Variants in ERCC4 observed in about 807,000 individuals in gnomAD.
ERCC4 encodes the protein DNA repair endonuclease XPF.
Under a neutral mutation model 76.9 loss-of-function variants are expected in ERCC4, and 65 were observed. The ratio of observed to expected loss-of-function variants is 0.84; its 90% CI spans 0.69 to 1.04. The LOEUF (loss-of-function observed/expected upper bound fraction) is 1.04. Among genes scored for constraint, ERCC4 ranks in the 50% least tolerant of loss-of-function variants. The probability of loss-of-function intolerance (pLI) is 0.00; values close to 1 mark genes in which losing one functional copy is unlikely to be tolerated. For missense variants in ERCC4, 1,214 were observed against 1,128.2 expected (o/e 1.08, Z -1.09); for synonymous variants, 463 against 410.1 (o/e 1.13, Z -1.56).
At chr16:13,935,100 A>G in intron 7 of ERCC4, 46 bp from the exon 8 acceptor site, 3 of 1,399,704 alleles carry the variant, frequency 2.1e-6, no homozygotes, top group Non-Finnish European at 3.0e-6. Flanking sequence ...GGAAACTAGG[A>G]GGACAAGTGA....
chr16:13,920,218 A>T lies in ERCC4; in HGVS notation c.53A>T (p.Tyr18Phe), dbSNP rs1284921995. The T allele has an allele frequency of 1.9e-6, 3 of 1,607,666 alleles. No homozygotes were observed. The highest frequency in any genetic ancestry group is 2.5e-6 in the Non-Finnish European group (3 of 1,179,948). Residue 18 changes from tyrosine (Y) to phenylalanine (F), a missense_variant, in exon 1 of 11, where the codon TAC (tyrosine) becomes TTC (phenylalanine). By Grantham distance (22) the Tyr-to-Phe change is conservative (BLOSUM62 3). Coordinates refer to ENST00000311895, the MANE Select transcript of ERCC4 (RefSeq NM_005236.3). ...ATTGCCATGGCGCCGCTGCTGGAGT[A>T]CGAGCGACAGCTGGTGCTGGAACTG... ...RRIAMAPLLE[Y>F]ERQLVLELLD...
intron 1 of ERCC4, among the ~76,000 whole-genome samples, chr16:13,921,808 A>G (rs182611898): frequency 6.6e-6 from 1 of 152,302 alleles, no homozygotes; most frequent in East Asian, 1.9e-4. Context: ...AGTGCTGATA[A>G]TGACTGAAGT....
rs1485864399 is a variant in ERCC4 at position 13,948,195 on chromosome 16, A to G, written c.2599A>G (p.Met867Val). The G allele has an allele frequency of 6.2e-7, 1 of 1,614,176 alleles. No homozygotes were observed. The highest frequency in any genetic ancestry group is 1.1e-5 in the South Asian group (1 of 91,078). ...GAATGCCAAAAACTGCCGCTCCTTG[A>G]TGCACCACGTTAAGAACATCGCAGA... ...GVNAKNCRSL[M>V]HHVKNIAELA... Residue 867 changes from methionine (M) to valine (V), a missense_variant, in exon 11 of 11, where the codon ATG (methionine) becomes GTG (valine). By Grantham distance (21) the Met-to-Val change is conservative (BLOSUM62 1). Transcript: ENST00000311895.
At chr16:13,927,820 G>C (rs1217007677) in intron 3 of ERCC4, among the ~76,000 whole-genome samples, 3 of 152,182 alleles carry the variant, frequency 2.0e-5, no homozygotes, top group East Asian at 3.8e-4. Context: ...GTAGTTTGCT[G>C]ACCCTTTCCT....
rs1020772182 is a variant in ERCC4 at position 13,950,786 on chromosome 16, A to G, written c.*2439A>G. 1.5e-5 allele frequency: 3 copies of G among 193,704 alleles called. No homozygotes were observed. The highest frequency in any genetic ancestry group is 7.0e-5 in the African/African-American group (3 of 43,146). The allele number at this position is 193,704 out of a possible 1,614,324, so 12.0% of individuals were successfully genotyped here. A position where few individuals can be genotyped will look rare whatever the true frequency, so the allele number is the denominator to read the frequency against. ...TATAAAAGGAACATCTTCCCATAGC[A>G]TATTCTATGAAAGGGGTTTCATTCC... On this transcript the variant is annotated 3_prime_UTR_variant, in exon 11 of 11. Coordinates refer to ENST00000311895, the MANE Select transcript of ERCC4 (RefSeq NM_005236.3).
chr16:13,935,311 A>G lies in ERCC4; in HGVS notation c.1379A>G (p.Lys460Arg), dbSNP rs761301503. 6.2e-7 allele frequency: 1 copy of G among 1,614,120 alleles called. No homozygotes were observed. Among genetic ancestry groups the G allele is most frequent in the Non-Finnish European group, 8.5e-7 (1 of 1,180,016 alleles). Residue 460 changes from lysine (K) to arginine (R), a missense_variant, in exon 8 of 11, where the codon AAG (lysine) becomes AGG (arginine). Lys to Arg is a conservative substitution (Grantham distance 26). Transcript: ENST00000311895. ...WMKFRKEDSS[K>R]RIRKSHKRPK... ...AAATTTAGGAAGGAAGACAGTTCAA[A>G]GAGAATTAGGAAATCTCACAAAAGA...
At position 13,947,895 on chromosome 16, in the gene ERCC4, TTC is replaced by T. The variant is rs869025184; in HGVS notation, c.2306_2307del (p.Leu769HisfsTer14). On this transcript the variant is annotated frameshift_variant, in exon 11 of 11. Transcript: ENST00000311895. LOFTEE classifies it high-confidence loss of function. ...LLIEFDPSKP[F>X]SLTSRGALFQ... Reference sequence around the variant, plus strand: ...GATTGAGTTTGACCCTAGCAAGCCTTTCTCTCTCACTTCCCGAGGTGCCTTGT... The same window carrying T: ...GATTGAGTTTGACCCTAGCAAGCCTTTCTCTCACTTCCCGAGGTGCCTTGT... 6.2e-7 allele frequency: 1 copy of T among 1,614,128 alleles called. No homozygotes were observed. Among genetic ancestry groups the T allele is most frequent in the Non-Finnish European group, 8.5e-7 (1 of 1,180,026 alleles).
In ERCC4 at chr16:13,949,306, C is replaced by T. The variant is rs938406746; in HGVS notation, c.*959C>T. 2 of 233,854 alleles carry T rather than the reference C, an allele frequency of 8.6e-6. No homozygotes were observed. Among genetic ancestry groups the T allele is most frequent in the African/African-American group, 2.2e-5 (1 of 45,332 alleles). The allele number at this position is 233,854 out of a possible 1,614,324, so 14.5% of individuals were successfully genotyped here. A position where few individuals can be genotyped will look rare whatever the true frequency, so the allele number is the denominator to read the frequency against. On this transcript the variant is annotated 3_prime_UTR_variant, in exon 11 of 11. Transcript: ENST00000311895. ...TTCTCAGCTCTTATATCCTAAGACA[C>T]CAGCATCATATCCTCTAGAAATACA...
At chr16:13,927,172 A>G (rs2032087981) in intron 3 of ERCC4, among the ~76,000 whole-genome samples, 1 of 152,218 alleles carries the variant, frequency 6.6e-6, no homozygotes. Context: ...AAGAAGTTTT[A>G]TTAATTTCTA....
chr16:13,930,308 C>G (rs1164071274), intron 4 of ERCC4, among the ~76,000 whole-genome samples: 3 of 152,012 alleles, frequency 2.0e-5, no homozygotes, highest in Non-Finnish European at 2.9e-5. Flanking sequence ...CAGAGTCAAA[C>G]TTGGCAGGAA....
chr16:13,926,762 G>A lies in ERCC4; in HGVS notation c.584+6G>A, dbSNP rs1460077088. ...AAACTGTATCTGTGGCCAAGGTAAA[G>A]AACATTATGTGACAAATAATGATGA... On this transcript the variant is annotated splice_donor_region_variant and intron_variant, in intron 3 of 10. Coordinates refer to ENST00000311895, the MANE Select transcript of ERCC4 (RefSeq NM_005236.3). 1 of 1,601,666 alleles carries A rather than the reference G, an allele frequency of 6.2e-7. No individual in the cohort carries two copies. The highest frequency in any genetic ancestry group is 8.6e-7 in the Non-Finnish European group (1 of 1,168,896).
chr16:13,947,836 C>A lies in ERCC4; in HGVS notation c.2240C>A (p.Ser747Tyr), dbSNP rs12928616. 1.9e-6 allele frequency: 3 copies of A among 1,614,082 alleles called. No individual in the cohort carries two copies. In the African/African-American group the frequency reaches 4.0e-5, roughly 22 times the overall value. The change falls in exon 11 of 11, where the codon TCC becomes TAC. Residue 747 changes from serine to tyrosine, a missense_variant. Transcript: ENST00000311895. ...NNGRLYSQCI[S>Y]MSRYYKRPVL... ...GGCCGCCTCTACAGCCAGTGCATCT[C>A]CATGTCCCGCTACTACAAGCGTCCC...
Position 13,935,365 on chromosome 16 carries a change from C to T in ERCC4, c.1433C>T (p.Ala478Val). 1 of 1,608,700 alleles carries T rather than the reference C, an allele frequency of 6.2e-7. No individual in the cohort carries two copies. Among genetic ancestry groups the T allele is most frequent in the Non-Finnish European group, 8.5e-7 (1 of 1,178,708 alleles). Residue 478 changes from alanine to valine, a missense_variant, in exon 8 of 11, where the codon GCT (alanine) becomes GTT (valine). Coordinates refer to ENST00000311895, the MANE Select transcript of ERCC4 (RefSeq NM_005236.3). ...AAAGACCCCCAAAACAAAGAACGGG[C>T]TTCTACCAAAGAAAGAACCCTCAAA... ...RPKDPQNKER[A>V]STKERTLKKK... is the part of the protein sequence containing the mutation.
chr16:13,922,107 A>G lies in ERCC4; in HGVS notation c.284A>G (p.Asn95Ser). 1.2e-6 allele frequency: 2 copies of G among 1,613,850 alleles called. No homozygotes were observed. Among genetic ancestry groups the G allele is most frequent in the South Asian group, 1.1e-5 (1 of 91,076 alleles). Residue 95 changes from asparagine to serine, a missense_variant, in exon 2 of 11, where the codon AAC (asparagine) becomes AGC (serine). Physicochemically the swap from Asn to Ser is conservative, Grantham distance 46. Coordinates refer to ENST00000311895, the MANE Select transcript of ERCC4 (RefSeq NM_005236.3). ...PRRVTNEITS[N>S]SRYEVYTQGG... ...CGTGTAACAAATGAAATCACAAGCA[A>G]CAGTCGCTATGAAGTTTACACACAA...
intron 5 of ERCC4, chr16:13,931,925 T>C: frequency 1.9e-6 from 1 of 523,172 alleles, no homozygotes; most frequent in Non-Finnish European, 3.4e-6. Flanking sequence ...CGAGAAAAGT[T>C]CTGACATCAC....
At chr16:13,922,605 G>C in intron 2 of ERCC4, 2 of 627,726 alleles carry the variant, frequency 3.2e-6, no homozygotes, top group Non-Finnish European at 5.9e-6. Flanking sequence ...ATCAGGCACA[G>C]TTCGTGCAGC....
In ERCC4 at chr16:13,935,737, C is replaced by G. The variant is rs1250391663; in HGVS notation, c.1805C>G (p.Pro602Arg). ...EIYRASRPGK[P>R]LRVYFLIYGG... is the part of the protein sequence containing the mutation. ...TACAGGGCGAGTAGGCCTGGGAAAC[C>G]TCTGAGGCAAGTTATAAAGAATCAC... Residue 602 changes from proline to arginine, a missense_variant, in exon 8 of 11, where the codon CCT (proline) becomes CGT (arginine). Transcript: ENST00000311895. The G allele has an allele frequency of 6.2e-7, 1 of 1,609,602 alleles. No individual in the cohort carries two copies. The highest frequency in any genetic ancestry group is 1.1e-5 in the South Asian group (1 of 90,982).
chr16:13,928,225 C>G lies in ERCC4; in HGVS notation c.782C>G (p.Pro261Arg). 2 of 1,608,716 alleles carry G rather than the reference C, an allele frequency of 1.2e-6. No individual in the cohort carries two copies. The highest frequency in any genetic ancestry group is 1.7e-6 in the Non-Finnish European group (2 of 1,175,566). Residue 261 changes from proline to arginine, a missense_variant, in exon 4 of 11, where the codon CCT (proline) becomes CGT (arginine). Coordinates refer to ENST00000311895, the MANE Select transcript of ERCC4 (RefSeq NM_005236.3). ...TCTTTAGAAAATGCTATTGGAAAAC[C>G]TTTTGACAAGGTACTCTTTTTCCTT... Reference protein sequence around the residue: ...DLSLENAIGKPFDKTIRHYLD... With the variant: ...DLSLENAIGKRFDKTIRHYLD...
intron 10 of ERCC4, among the ~76,000 whole-genome samples, chr16:13,946,744 T>TTTG (rs1555469415): frequency 0.052 from 7,889 of 151,166 alleles, 388 homozygotes; most frequent in African/African-American, 0.13. Context: ...ACATCTGTTT[T>TTTG]TTTGTTTGTT....
Sources: gnomAD v4.1 joint callset for allele counts (sites outside exome capture counted in the v4.1 genomes callset) on GRCh38, gnomAD v4.1.1 for gene constraint, MANE v1.5 for transcripts, NCBI Gene and HGNC (gene_info 2026-07-23, HGNC 2026-07-21) for gene names.